The following PCDHA13 variants were observed in gnomAD, a reference collection of about 807,000 sequenced individuals.
PCDHA13 encodes protocadherin alpha-13.
PCDHA13 carries 54 observed loss-of-function variants against 64.8 expected under a neutral mutation model. The observed-to-expected ratio is 0.83, with a 90% CI of 0.67 to 1.04. PCDHA13 has a LOEUF of 1.04. Among genes scored for constraint, PCDHA13 ranks in the 50% least tolerant of loss-of-function variants. PCDHA13 has a pLI of 0.00. For synonymous variants in PCDHA13, 587 were observed against 564.4 expected, an observed-to-expected ratio of 1.04 and a Z score of -0.57; for missense variants, 1,248 against 1,254.3, an observed-to-expected ratio of 0.99 and a Z score of 0.08.
chr5:140,998,708 G>A (rs2153953637), intron 3 of PCDHA13, among the ~76,000 whole-genome samples: 1 of 152,142 alleles, frequency 6.6e-6, no homozygotes, highest in South Asian at 2.1e-4. Context: ...GGGATTACAA[G>A]CTTGCACCAC....
At position 140,882,361 on chromosome 5, in the gene PCDHA13, C is replaced by T. The variant is rs2059095511; in HGVS notation, c.93C>T (p.Leu31=). 6.2e-7 allele frequency: 1 copy of T among 1,614,204 alleles called. No individual in the cohort carries two copies. The highest frequency in any genetic ancestry group is 8.5e-7 in the Non-Finnish European group (1 of 1,180,038). Residue 31 remains leucine (L), a synonymous_variant, in exon 1 of 4, where the codon CTC becomes CTT. Coordinates refer to ENST00000289272, the MANE Select transcript of PCDHA13 (RefSeq NM_018904.3). ...CCTGGGAGACGGGTAGTGGCCAGCTCCACTACTCCGTCCCCGAGGAAGCAA... is the reference window on the plus strand; with the variant it reads ...CCTGGGAGACGGGTAGTGGCCAGCTTCACTACTCCGTCCCCGAGGAAGCAA... ...LAAWETGSGQ[L]HYSVPEEAKH...
chr5:140,937,227 C>CG lies in PCDHA13; in HGVS notation c.2395-41718dup, dbSNP rs2091422712. Among the ~76,000 whole-genome samples the CG allele has an allele frequency of 2.0e-5, 3 of 151,930 alleles. No homozygotes were observed. The South Asian group carries it at 6.2e-4, about 32-fold the overall frequency. On this transcript the variant is annotated intron_variant, in intron 1 of 3. Transcript: ENST00000289272. Reference sequence around the variant, plus strand: ...TAATTTTTTGTATTTTTTGTAGAGACGGGGTTTCACCGTGTTAGCCAGGAT... The same window carrying CG: ...TAATTTTTTGTATTTTTTGTAGAGACGGGGGTTTCACCGTGTTAGCCAGGAT...
intron 1 of PCDHA13, among the ~76,000 whole-genome samples, chr5:140,977,651 G>T (rs1554238723): frequency 6.6e-6 from 1 of 152,136 alleles, no homozygotes; most frequent in East Asian, 1.9e-4. Flanking sequence ...CCTTGACTTT[G>T]GCTAATTCTC....
intron 1 of PCDHA13, among the ~76,000 whole-genome samples, chr5:140,910,954 G>A (rs183183329): frequency 3.4e-4 from 51 of 152,174 alleles, no homozygotes; most frequent in Admixed American, 7.2e-4. Flanking sequence ...CTTTTCGAGT[G>A]TAGCACACCT....
intron 3 of PCDHA13, among the ~76,000 whole-genome samples, chr5:140,993,585 G>T (rs2097574142): frequency 6.6e-6 from 1 of 151,526 alleles, no homozygotes; most frequent in Admixed American, 6.6e-5. Flanking sequence ...GCTTTTCTTG[G>T]CTTGGCTCCA....
Position 140,968,771 on chromosome 5 carries a change from T to C in PCDHA13, c.2395-10178T>C, listed in dbSNP as rs144153196. The C allele has an allele frequency of 3.1e-6, 5 of 1,614,024 alleles. No homozygotes were observed. Among genetic ancestry groups the C allele is most frequent in the Non-Finnish European group, 4.2e-6 (5 of 1,180,044 alleles). On this transcript the variant is annotated intron_variant, in intron 1 of 3. Transcript: ENST00000289272. The stretch of plus-strand genomic sequence containing the variant: ...GGTGGTCCGAGATAATGGAGAGCCA[T>C]CACTATCAGCCTCTGTGGCCATTAC...
chr5:140,943,333 T>C (rs1337058167), intron 1 of PCDHA13, among the ~76,000 whole-genome samples: 1 of 150,974 alleles, frequency 6.6e-6, no homozygotes, highest in East Asian at 1.9e-4. Flanking sequence ...GTAGTATCCA[T>C]TGGACAGGAT....
chr5:140,922,207 T>C (rs1208986922), intron 1 of PCDHA13, among the ~76,000 whole-genome samples: 3 of 152,162 alleles, frequency 2.0e-5, no homozygotes, highest in Non-Finnish European at 2.9e-5. Context: ...AATGAAACTT[T>C]GTAAAACATT....
chr5:140,996,136 C>A (rs1484642740), intron 3 of PCDHA13, among the ~76,000 whole-genome samples: 1 of 152,104 alleles, frequency 6.6e-6, no homozygotes, highest in African/African-American at 2.4e-5. Context: ...GAGGGTTCTC[C>A]CATTATCTTG....
intron 1 of PCDHA13, among the ~76,000 whole-genome samples, chr5:140,900,275 C>T (rs1260418745): frequency 9.2e-5 from 14 of 151,438 alleles, no homozygotes; most frequent in African/African-American, 2.9e-4. Context: ...GTATATGTAC[C>T]ACACTTTCTT....
intron 3 of PCDHA13, among the ~76,000 whole-genome samples, chr5:140,998,172 T>C (rs1438782798): frequency 6.6e-6 from 1 of 152,184 alleles, no homozygotes; most frequent in Admixed American, 6.5e-5. Flanking sequence ...CCAAGTATTA[T>C]TCTAAGCACT....
chr5:140,895,881 G>A (rs1004872677), intron 1 of PCDHA13, among the ~76,000 whole-genome samples: 22 of 152,176 alleles, frequency 1.4e-4, no homozygotes, highest in East Asian at 1.9e-4. Flanking sequence ...GCGCGATCTC[G>A]GCTCACTGCA....
chr5:140,976,494 G>A (rs1247242198), intron 1 of PCDHA13, among the ~76,000 whole-genome samples: 1 of 151,942 alleles, frequency 6.6e-6, no homozygotes, highest in Non-Finnish European at 1.5e-5. Context: ...GAGGTTGCAG[G>A]GAGCCAAGAT....
intron 1 of PCDHA13, among the ~76,000 whole-genome samples, chr5:140,964,252 T>C (rs569615423): frequency 4.6e-5 from 7 of 152,332 alleles, no homozygotes; most frequent in African/African-American, 1.7e-4. Context: ...GGCTTTATAT[T>C]TGACTCCTTA....
At chr5:140,892,504 G>A (rs2063551551) in intron 1 of PCDHA13, among the ~76,000 whole-genome samples, 1 of 152,176 alleles carries the variant, frequency 6.6e-6, no homozygotes, top group Non-Finnish European at 1.5e-5. Context: ...TGTTTAAGAA[G>A]TTCCACCATG....
chr5:140,985,955 G>A (rs1284756138), intron 3 of PCDHA13, among the ~76,000 whole-genome samples: 1 of 151,674 alleles, frequency 6.6e-6, no homozygotes, highest in Non-Finnish European at 1.5e-5. Flanking sequence ...TAGCCAGGAT[G>A]GTCTCAATCT....
chr5:140,990,814 T>A (rs1184527701), intron 3 of PCDHA13, among the ~76,000 whole-genome samples: 1 of 152,184 alleles, frequency 6.6e-6, no homozygotes, highest in Non-Finnish European at 1.5e-5. Context: ...GAAGCTCCCT[T>A]CTCTCAGCTA....
chr5:140,982,583 C>T lies in PCDHA13; in HGVS notation c.2542+20C>T, dbSNP rs1251252617. ...CACCAGGTAAAGAGCTGGGGTCTCT[C>T]CATTCTTTCTTGGTTTCTGGAAAGT... is the stretch of plus-strand genomic sequence containing the variant. On this transcript the variant is annotated intron_variant, in intron 3 of 3. Coordinates refer to ENST00000289272, the MANE Select transcript of PCDHA13 (RefSeq NM_018904.3). The T allele has an allele frequency of 1.2e-6, 2 of 1,612,084 alleles. No homozygotes were observed. The highest frequency in any genetic ancestry group is 4.5e-5 in the East Asian group (2 of 44,856).
In PCDHA13 at chr5:140,927,952, G is replaced by C. The variant is rs1352026553; in HGVS notation, c.2394+43290G>C. 6 of 1,614,064 alleles carry C rather than the reference G, an allele frequency of 3.7e-6. No homozygotes were observed. In the African/African-American group the frequency reaches 8.0e-5, roughly 22 times the overall value. On this transcript the variant is annotated intron_variant, in intron 1 of 3. Coordinates refer to ENST00000289272, the MANE Select transcript of PCDHA13 (RefSeq NM_018904.3). ...TTCGAACCCAGTACCTGAGGACGCTGCCCCTGGCACAGTGATTGCTCTCTT... is the reference window on the plus strand; with the variant it reads ...TTCGAACCCAGTACCTGAGGACGCTCCCCCTGGCACAGTGATTGCTCTCTT...
Sources: gnomAD v4.1 joint callset for allele counts (sites outside exome capture counted in the v4.1 genomes callset) on GRCh38, gnomAD v4.1.1 for gene constraint, MANE v1.5 for transcripts, NCBI Gene and HGNC (gene_info 2026-07-23, HGNC 2026-07-21) for gene names.